The following SDCBP variants were observed in gnomAD, a reference collection of about 807,000 sequenced individuals.
SDCBP encodes the protein syndecan binding protein, also known as syntenin-1.
Under a neutral mutation model 30.5 loss-of-function variants are expected in SDCBP, and 22 were observed. The ratio of observed to expected loss-of-function variants is 0.72; its 90% CI spans 0.52 to 1.03. The LOEUF (loss-of-function observed/expected upper bound fraction) is 1.03. SDCBP is among the 50% of genes least tolerant of loss of function. The pLI, the probability that SDCBP is intolerant of heterozygous loss-of-function variation, is 0.00. For synonymous variants in SDCBP, 103 were observed against 118.7 expected, an observed-to-expected ratio of 0.87 and a Z score of 0.86; for missense variants, 304 against 369.9, an observed-to-expected ratio of 0.82 and a Z score of 1.46.
rs1805747654 is a variant in SDCBP, at chr8:58,582,486, GTTTTTGAGAT to G, written c.*752_*761del. On this transcript the variant is annotated 3_prime_UTR_variant, in exon 9 of 9. Coordinates refer to ENST00000260130, the MANE Select transcript of SDCBP (RefSeq NM_005625.4). ...TGAGCTATAGCATAGCTGCTTAGTTGTTTTTGAGATTTTTTAGTCAACACATAATGGAAAC... is the reference window on the plus strand; with the variant it reads ...TGAGCTATAGCATAGCTGCTTAGTTGTTTTTAGTCAACACATAATGGAAAC... 1 of 152,562 alleles carries G rather than the reference GTTTTTGAGAT, an allele frequency of 6.6e-6. No individual in the cohort carries two copies. The highest frequency in any genetic ancestry group is 1.5e-5 in the Non-Finnish European group (1 of 68,032). The allele number at this position is 152,562 out of a possible 1,614,324, so 9.5% of individuals were successfully genotyped here.
Position 58,579,620 on chromosome 8 carries a change from T to TA in SDCBP, c.579-2dup. 1 of 1,540,538 alleles carries TA rather than the reference T, an allele frequency of 6.5e-7. No individual in the cohort carries two copies. The stretch of plus-strand genomic sequence containing the variant: ...TTTTTAATTGAACCAATTATGTTTG[T>TA]AGGCCCTTTGAACGGACGATTACCA... On this transcript the variant is annotated splice_polypyrimidine_tract_variant and splice_region_variant and intron_variant, in intron 6 of 8. Transcript: ENST00000260130.
chr8:58,579,809 TTGTGCCATGTTC>T lies in SDCBP; in HGVS notation c.750+18_750+29del. 6.4e-7 allele frequency: 1 copy of T among 1,566,868 alleles called. No individual in the cohort carries two copies. Among genetic ancestry groups the T allele is most frequent in the Non-Finnish European group, 8.7e-7 (1 of 1,156,020 alleles). ...TTGGATTGAAGGTAAGGAACAGACTTTGTGCCATGTTCTGCTGCAGTTTTAGAAAATGTCTGT... is the reference window on the plus strand; with the variant it reads ...TTGGATTGAAGGTAAGGAACAGACTTTGCTGCAGTTTTAGAAAATGTCTGT... On this transcript the variant is annotated intron_variant, in intron 7 of 8. Transcript: ENST00000260130.
intron 2 of SDCBP, among the ~76,000 whole-genome samples, chr8:58,567,554 G>A (rs114919039): frequency 6.2e-4 from 94 of 152,294 alleles, no homozygotes; most frequent in African/African-American, 2.1e-3. Context: ...AGGGTTCACT[G>A]TTGGTGTTAT....
intron 1 of SDCBP, among the ~76,000 whole-genome samples, chr8:58,553,513 G>A (rs1803923450): frequency 6.6e-6 from 1 of 151,868 alleles, no homozygotes; most frequent in African/African-American, 2.4e-5. Flanking sequence ...CGGGAGCAGC[G>A]CGCTCTTCCT....
chr8:58,578,542 C>T (rs1314498816), intron 6 of SDCBP, among the ~76,000 whole-genome samples: 1 of 152,124 alleles, frequency 6.6e-6, no homozygotes, highest in East Asian at 1.9e-4. Context: ...CACAGTGGTC[C>T]CTCATTGTGA....
chr8:58,579,878 A>G lies in SDCBP; in HGVS notation c.750+84A>G, dbSNP rs115922129. ...ACTGTATTTAGGTGGCGCTGTTTTC[A>G]TATTGACTTAGGTGGGAGATGGGGA... is the stretch of plus-strand genomic sequence containing the variant. On this transcript the variant is annotated intron_variant, in intron 7 of 8. Transcript: ENST00000260130. 2,973 of 1,333,344 alleles carry G rather than the reference A, an allele frequency of 2.2e-3. 73 individuals are homozygous for G. In the African/African-American group the frequency reaches 0.04, roughly 18 times the overall value. The allele number at this position is 1,333,344 out of a possible 1,614,324, so 82.6% of individuals were successfully genotyped here.
At chr8:58,564,494 A>G (rs1804601154) in intron 1 of SDCBP, among the ~76,000 whole-genome samples, 1 of 152,238 alleles carries the variant, frequency 6.6e-6, no homozygotes, top group Admixed American at 6.5e-5. Flanking sequence ...TCTTCTGAAG[A>G]AAAATCTGTT....
intron 1 of SDCBP, among the ~76,000 whole-genome samples, chr8:58,558,473 G>A (rs1804270439): frequency 6.6e-6 from 1 of 152,028 alleles, no homozygotes; most frequent in African/African-American, 2.4e-5. Flanking sequence ...TGTAGAGATG[G>A]GGTTTCTCCA....
intron 3 of SDCBP, 50 bp from the exon 4 acceptor site, chr8:58,572,155 C>A: frequency 1.8e-6 from 2 of 1,098,048 alleles, no homozygotes; most frequent in Non-Finnish European, 2.7e-6. Context: ...GAGAAGTTTT[C>A]ATTTTGTGTA....
rs191911046 is a variant in SDCBP at position 58,565,111 on chromosome 8, A to G, written c.51+27A>G. 1.6e-5 allele frequency: 20 copies of G among 1,268,394 alleles called. No individual in the cohort carries two copies. In the Admixed American group the frequency reaches 3.4e-4, roughly 21 times the overall value. The allele number at this position is 1,268,394 out of a possible 1,614,324, so 78.6% of individuals were successfully genotyped here. A position where few individuals can be genotyped will look rare whatever the true frequency, so the allele number is the denominator to read the frequency against. ...TATGATAGTTTAAATACTTTTGTCAAAACAAACACAGTAACATGCATTCTA... is the reference window on the plus strand; with the variant it reads ...TATGATAGTTTAAATACTTTTGTCAGAACAAACACAGTAACATGCATTCTA... On this transcript the variant is annotated intron_variant, in intron 2 of 8. Transcript: ENST00000260130.
intron 7 of SDCBP, among the ~76,000 whole-genome samples, chr8:58,580,209 C>T (rs1304105708): frequency 2.0e-5 from 3 of 152,154 alleles, no homozygotes; most frequent in Non-Finnish European, 4.4e-5. Context: ...AGCATGACCT[C>T]CTCATTTCAT....
intron 6 of SDCBP, 49 bp downstream of exon 6, chr8:58,578,257 A>AT (rs1805460996): frequency 2.9e-6 from 4 of 1,393,432 alleles, no homozygotes; most frequent in Admixed American, 5.2e-5. Context: ...CTAGTTTTCC[A>AT]TTTTTTTGGG....
chr8:58,575,772 T>A, intron 4 of SDCBP, 128 bp from the exon 5 acceptor site: 2 of 735,254 alleles, frequency 2.7e-6, no homozygotes, highest in Non-Finnish European at 4.5e-6. Context: ...CATCAAACTT[T>A]ATCGGAAGGA....
intron 1 of SDCBP, among the ~76,000 whole-genome samples, chr8:58,562,566 G>A (rs567422775): frequency 1.3e-5 from 2 of 152,042 alleles, no homozygotes; most frequent in African/African-American, 2.4e-5. Flanking sequence ...TTTCAATAAC[G>A]ATGCGAAGAC....
At position 58,579,787 on chromosome 8, in the gene SDCBP, G is replaced by A; in HGVS notation, c.743G>A (p.Gly248Glu). 6.2e-7 allele frequency: 1 copy of A among 1,607,314 alleles called. No individual in the cohort carries two copies. Residue 248 changes from glycine to glutamate, a missense_variant, in exon 7 of 9, where the codon GGA (glycine) becomes GAA (glutamate). Gly to Glu is a moderately conservative substitution (Grantham distance 98). Transcript: ENST00000260130. The part of the protein sequence containing the change: ...ICEINGQNVI[G>E]LKDSQIADIL... ...GAAATCAATGGACAGAATGTCATTG[G>A]ATTGAAGGTAAGGAACAGACTTTGT... is the stretch of plus-strand genomic sequence containing the variant.
At chr8:58,579,924 G>T in intron 7 of SDCBP, 130 bp downstream of exon 7, 8 of 743,368 alleles carry the variant, frequency 1.1e-5, no homozygotes, top group Non-Finnish European at 1.5e-5. Context: ...TGAACTCTTG[G>T]TCTGGCCAGT....
chr8:58,574,941 T>C (rs1326545174), intron 4 of SDCBP, among the ~76,000 whole-genome samples: 1 of 152,204 alleles, frequency 6.6e-6, no homozygotes, highest in Non-Finnish European at 1.5e-5. Flanking sequence ...ATAGTTACTA[T>C]GCTGTACATT....
At chr8:58,557,580 A>G (rs1804218389) in intron 1 of SDCBP, among the ~76,000 whole-genome samples, 1 of 151,014 alleles carries the variant, frequency 6.6e-6, no homozygotes, top group Non-Finnish European at 1.5e-5. Context: ...ATCTCTTAAT[A>G]GAAACTATTT....
intron 1 of SDCBP, among the ~76,000 whole-genome samples, chr8:58,563,388 G>A (rs897290101): frequency 3.3e-5 from 5 of 152,212 alleles, no homozygotes; most frequent in Non-Finnish European, 7.4e-5. Flanking sequence ...AAACAGAGGC[G>A]GGAAAGTGTA....
Sources: allele counts gnomAD v4.1 joint callset (sites outside exome capture counted in the v4.1 genomes callset), GRCh38; gene constraint gnomAD v4.1.1; transcripts MANE v1.5; gene names NCBI Gene and HGNC (gene_info 2026-07-23, HGNC 2026-07-21).